The following SRD5A2 variants were observed in gnomAD, a reference collection of about 807,000 sequenced individuals.
SRD5A2 encodes 3-oxo-5-alpha-steroid 4-dehydrogenase 2.
A neutral mutation model predicts 27.4 loss-of-function variants in SRD5A2; 30 were observed. That is an observed-to-expected ratio of 1.10 (90% CI 0.82 to 1.49). The LOEUF is 1.49. Ranked by LOEUF, SRD5A2 falls within the 40% of genes most tolerant of loss-of-function variation. The probability of loss-of-function intolerance (pLI) is 0.00; values close to 1 mark genes in which losing one functional copy is unlikely to be tolerated. For synonymous variants in SRD5A2, 141 were observed against 133.6 expected (o/e 1.06, Z -0.38); for missense variants, 348 against 323.4 (o/e 1.08, Z -0.58).
At chr2:31,578,365 C>CA (rs112092320) in intron 1 of SRD5A2, among the ~76,000 whole-genome samples, 107,403 of 152,144 alleles carry the variant, frequency 0.71, 38,163 homozygotes, top group African/African-American at 0.75. Context: ...GATCTGGAGT[C>CA]TACTGCCTGG....
chr2:31,529,560 GT>G, intron 3 of SRD5A2, 103 bp from the exon 4 acceptor site: 1 of 1,471,138 alleles, frequency 6.8e-7, no homozygotes, highest in Non-Finnish European at 9.1e-7. Context: ...AAGAACAAAT[GT>G]GGGGCTGGAG....
chr2:31,580,498 G>T (rs1346715826), intron 1 of SRD5A2, 122 bp downstream of exon 1: 2 of 1,255,420 alleles, frequency 1.6e-6, no homozygotes, highest in Non-Finnish European at 2.1e-6. Context: ...TGGCCTCCGC[G>T]TTCCTCACAG....
the SRD5A2 span, among the ~76,000 whole-genome samples, chr2:31,634,368 G>C: frequency 6.6e-6 from 1 of 152,048 alleles, no homozygotes. Context: ...TAAAGCTGTG[G>C]AATAATACCA....
the SRD5A2 span, among the ~76,000 whole-genome samples, chr2:31,635,753 T>C: frequency 1.3e-5 from 2 of 152,054 alleles, no homozygotes; most frequent in Non-Finnish European, 2.9e-5. Context: ...AAGATAGAGG[T>C]GTAGATTTTT....
chr2:31,643,814 T>C, the SRD5A2 span, among the ~76,000 whole-genome samples: 1 of 152,190 alleles, frequency 6.6e-6, no homozygotes, highest in Non-Finnish European at 1.5e-5. Context: ...GTAAAATCCA[T>C]GTGTCCATGC....
At chr2:31,564,023 A>G (rs1572650052) in intron 1 of SRD5A2, among the ~76,000 whole-genome samples, 1 of 152,094 alleles carries the variant, frequency 6.6e-6, no homozygotes, top group East Asian at 1.9e-4. Flanking sequence ...ATGAGGTACA[A>G]TTTTCTGACC....
chr2:31,636,629 T>C, the SRD5A2 span, among the ~76,000 whole-genome samples: 3 of 152,116 alleles, frequency 2.0e-5, no homozygotes, highest in African/African-American at 4.8e-5. Flanking sequence ...TATGTGGCCT[T>C]TTCTAAAACT....
chr2:31,627,524 T>A, the SRD5A2 span, among the ~76,000 whole-genome samples: 2 of 152,048 alleles, frequency 1.3e-5, no homozygotes, highest in Non-Finnish European at 2.9e-5. Flanking sequence ...TCAGGTTAAT[T>A]TCCCTTGTTT....
intron 1 of SRD5A2, among the ~76,000 whole-genome samples, chr2:31,568,861 G>A (rs898294911): frequency 6.6e-6 from 1 of 152,252 alleles, no homozygotes; most frequent in Non-Finnish European, 1.5e-5. Context: ...CAGGGGGCTG[G>A]TGTGTCAATG....
chr2:31,606,714 T>C, the SRD5A2 span, among the ~76,000 whole-genome samples: 1 of 151,978 alleles, frequency 6.6e-6, no homozygotes, highest in Non-Finnish European at 1.5e-5. Context: ...AGGCTGATAC[T>C]ATGTTGCTCA....
At chr2:31,616,927 GA>G in the SRD5A2 span, among the ~76,000 whole-genome samples, 1 of 152,096 alleles carries the variant, frequency 6.6e-6, no homozygotes, top group African/African-American at 2.4e-5. Flanking sequence ...GTTGTGGGAG[GA>G]ACCTGGTGGG....
chr2:31,654,527 G>C, the SRD5A2 span, among the ~76,000 whole-genome samples: 5 of 152,280 alleles, frequency 3.3e-5, no homozygotes, highest in East Asian at 1.9e-4. Context: ...TTACGGGCTT[G>C]AGTAACATGT....
chr2:31,660,700 GT>G, the SRD5A2 span, among the ~76,000 whole-genome samples: 1 of 152,024 alleles, frequency 6.6e-6, no homozygotes, highest in Non-Finnish European at 1.5e-5. Flanking sequence ...TAAAAATTAA[GT>G]AAAAAATATG....
At chr2:31,544,255 A>G (rs1021860310) in intron 1 of SRD5A2, among the ~76,000 whole-genome samples, 2 of 152,010 alleles carry the variant, frequency 1.3e-5, no homozygotes, top group African/African-American at 4.8e-5. Flanking sequence ...ATTCAATACC[A>G]CACTGTCAAA....
At chr2:31,655,556 A>G in the SRD5A2 span, among the ~76,000 whole-genome samples, 5 of 152,142 alleles carry the variant, frequency 3.3e-5, no homozygotes, top group Non-Finnish European at 4.4e-5. Context: ...AATCTCACCA[A>G]TCAAAACAGC....
chr2:31,531,508 A>T (rs751585090), intron 2 of SRD5A2, 36 bp from the exon 3 acceptor site: 66 of 1,371,410 alleles, frequency 4.8e-5, no homozygotes, highest in South Asian at 1.0e-4. Context: ...AATTTTTTTT[A>T]AATGTGTCCA....
chr2:31,527,133 A>C (rs533895079), intron 4 of SRD5A2: 19 of 152,306 alleles, frequency 1.2e-4, no homozygotes, highest in Middle Eastern at 3.4e-3. Flanking sequence ...AGAACTATGA[A>C]AGGACAAATC....
chr2:31,600,043 C>T, the SRD5A2 span, among the ~76,000 whole-genome samples: 2 of 151,920 alleles, frequency 1.3e-5, no homozygotes, highest in African/African-American at 4.8e-5. Flanking sequence ...TTCATGTGTT[C>T]TCATCACTTA....
Position 31,524,130 on chromosome 2 carries a change from T to A in SRD5A2, c.*2066A>T. Reference sequence around the variant, plus strand: ...AGACTGAGTACTGCCATTTATTGTATATTTATTTCATCTCAAGGACCGGCC... The same window carrying A: ...AGACTGAGTACTGCCATTTATTGTAAATTTATTTCATCTCAAGGACCGGCC... On this transcript the variant is annotated 3_prime_UTR_variant, in exon 5 of 5. Transcript: ENST00000622030. The A allele has an allele frequency of 4.5e-6, 1 of 223,106 alleles. No individual in the cohort carries two copies. 13.8% of individuals were successfully genotyped at this position (223,106 alleles called of 1,614,324 possible). A position where few individuals can be genotyped will look rare whatever the true frequency, so the allele number is the denominator to read the frequency against.
Sources: allele counts gnomAD v4.1 joint callset (sites outside exome capture counted in the v4.1 genomes callset), GRCh38; gene constraint gnomAD v4.1.1; transcripts MANE v1.5; gene names NCBI Gene and HGNC (gene_info 2026-07-23, HGNC 2026-07-21).